KDM6A: variants seen among roughly 807,000 people sequenced by gnomAD.
The protein encoded by KDM6A is lysine-specific demethylase 6A.
A neutral mutation model predicts 117.6 loss-of-function variants in KDM6A; 11 were observed. The ratio of observed to expected loss-of-function variants is 0.09; its 90% confidence interval spans 0.06 to 0.15. The LOEUF (loss-of-function observed/expected upper bound fraction) is 0.15. Ranked by LOEUF, KDM6A falls within the 10% of genes least tolerant of loss-of-function variation. KDM6A has a pLI of 1.00. For synonymous variants in KDM6A, 384 were observed against 396.1 expected (o/e 0.97, Z 0.36); for missense variants, 799 against 1,077.3 (o/e 0.74, Z 3.62).
chrX:44,933,077 G>A (rs1169715942), intron 2 of KDM6A, among the ~76,000 whole-genome samples: 4 of 106,641 alleles, frequency 3.8e-5, no homozygotes, highest in African/African-American at 1.0e-4. Context: ...TAGTAGAGAC[G>A]GGGCTTCACC....
chrX:45,086,315 T>C (rs964530215), intron 25 of KDM6A: 1 of 219,224 alleles, frequency 4.6e-6, no homozygotes, highest in East Asian at 1.2e-4. Context: ...TAAATGGTTT[T>C]AGGAAGTAGA....
chrX:44,962,759 C>T (rs1204459429), intron 3 of KDM6A, among the ~76,000 whole-genome samples: 2 of 111,797 alleles, frequency 1.8e-5, no homozygotes, highest in African/African-American at 3.3e-5. Context: ...AAAAAATGTA[C>T]ATACTTTAGT....
chrX:44,969,162 A>G (rs1028318892), intron 3 of KDM6A, among the ~76,000 whole-genome samples: 4 of 110,522 alleles, frequency 3.6e-5, no homozygotes, highest in African/African-American at 1.3e-4. Flanking sequence ...GTTTCTTCAT[A>G]TTTTTGAGCT....
At chrX:44,983,812 G>C (rs1211789798) in intron 4 of KDM6A, among the ~76,000 whole-genome samples, 1 of 110,205 alleles carries the variant, frequency 9.1e-6, no homozygotes, top group African/African-American at 3.3e-5. Flanking sequence ...GTCTATCATT[G>C]TTGGACATTT....
intron 19 of KDM6A, among the ~76,000 whole-genome samples, chrX:45,077,373 C>T (rs970483282): frequency 3.6e-5 from 4 of 111,027 alleles, no homozygotes; most frequent in African/African-American, 1.3e-4. Context: ...AAAACAATTC[C>T]TATTTCTGTT....
chrX:44,911,460 C>G (rs1396464118), intron 2 of KDM6A, among the ~76,000 whole-genome samples: 1 of 109,962 alleles, frequency 9.1e-6, no homozygotes, highest in East Asian at 2.9e-4. Flanking sequence ...CCCCACATCT[C>G]AGACGATGGG....
chrX:44,986,176 G>A (rs1222813411), intron 4 of KDM6A, among the ~76,000 whole-genome samples: 1 of 111,909 alleles, frequency 8.9e-6, no homozygotes, highest in Non-Finnish European at 1.9e-5. Context: ...ATTTCTTCTA[G>A]ATTTTCTAGT....
intron 4 of KDM6A, among the ~76,000 whole-genome samples, chrX:44,999,461 G>A (rs915054799): frequency 1.8e-5 from 2 of 111,011 alleles, no homozygotes; most frequent in Non-Finnish European, 3.8e-5. Context: ...AAATGGTTAT[G>A]ACAGAGCAGG....
chrX:45,052,897 G>C (rs889910921), intron 9 of KDM6A, among the ~76,000 whole-genome samples: 3 of 110,575 alleles, frequency 2.7e-5, no homozygotes, highest in African/African-American at 9.9e-5. Flanking sequence ...CTCTCTCTGT[G>C]TTGCCCAGGG....
chrX:45,016,104 T>G, intron 5 of KDM6A, among the ~76,000 whole-genome samples: 1 of 111,975 alleles, frequency 8.9e-6, no homozygotes, highest in Non-Finnish European at 1.9e-5. Context: ...TATTAATATA[T>G]TCTTTGTGCC....
At chrX:45,105,796 G>A (rs1462373526) in intron 27 of KDM6A, among the ~76,000 whole-genome samples, 2 of 112,229 alleles carry the variant, frequency 1.8e-5, no homozygotes, top group Non-Finnish European at 3.8e-5. Flanking sequence ...TCGCCTGTTA[G>A]GAACCGAGCT....
chrX:45,073,047 G>A (rs1037279620), intron 18 of KDM6A, among the ~76,000 whole-genome samples: 2 of 108,974 alleles, frequency 1.8e-5, no homozygotes, highest in Admixed American at 9.8e-5. Flanking sequence ...AGCAGGCCCC[G>A]GTGTGTGATG....
intron 2 of KDM6A, among the ~76,000 whole-genome samples, chrX:44,909,181 T>C (rs2034925416): frequency 8.9e-6 from 1 of 112,263 alleles, no homozygotes; most frequent in Non-Finnish European, 1.9e-5. Context: ...TAGAATTTTA[T>C]ATAATGGAAC....
At chrX:44,884,361 T>A (rs1357340060) in intron 2 of KDM6A, among the ~76,000 whole-genome samples, 1 of 110,349 alleles carries the variant, frequency 9.1e-6, no homozygotes, top group Non-Finnish European at 1.9e-5. Context: ...GTGAGAAGGA[T>A]ATGGTGTAAG....
chrX:44,992,287 C>T (rs1294536389), intron 4 of KDM6A, among the ~76,000 whole-genome samples: 2 of 81,397 alleles, frequency 2.5e-5, no homozygotes, highest in Admixed American at 1.8e-4. Context: ...TGCAATGGTG[C>T]GATCTCGGCT....
rs747859794 is a variant in KDM6A, at chrX:45,023,514, C to T, written c.564+2784C>T. 4.5e-5 allele frequency among the ~76,000 whole-genome samples: 5 copies of T among 111,205 alleles called. No homozygotes were observed. In the East Asian group the frequency reaches 8.6e-4, roughly 19 times the overall value. On this transcript the variant is annotated intron_variant, in intron 6 of 29. Coordinates refer to ENST00000611820, the MANE Select transcript of KDM6A (RefSeq NM_001291415.2). ...TTGGTTTTCAAAACTTTGACCCTGC[C>T]GCATATCTTCGTGACCTTGAGTAAG...
intron 2 of KDM6A, among the ~76,000 whole-genome samples, chrX:44,886,944 T>G (rs2032944004): frequency 9.2e-6 from 1 of 108,525 alleles, no homozygotes; most frequent in Admixed American, 9.9e-5. Flanking sequence ...TATCTTTTTT[T>G]TTTTTTTTTG....
chrX:45,035,755 A>G (rs1468300158), intron 7 of KDM6A, among the ~76,000 whole-genome samples: 1 of 109,643 alleles, frequency 9.1e-6, no homozygotes, highest in African/African-American at 3.3e-5. Context: ...GCTGGAGTGC[A>G]GTGGCGCGAT....
chrX:45,012,647 A>G (rs1168296454), intron 5 of KDM6A, among the ~76,000 whole-genome samples: 2 of 111,648 alleles, frequency 1.8e-5, no homozygotes, highest in Non-Finnish European at 3.8e-5. Flanking sequence ...CCTATTGGGC[A>G]CCCTGAATAC....
Sources: allele counts gnomAD v4.1 joint callset (sites outside exome capture counted in the v4.1 genomes callset), GRCh38; gene constraint gnomAD v4.1.1; transcripts MANE v1.5; gene names NCBI Gene and HGNC (gene_info 2026-07-23, HGNC 2026-07-21).